Variants in RGS5 observed in about 807,000 individuals in gnomAD.
RGS5 encodes regulator of G protein signaling 5.
Under a neutral mutation model 18.9 loss-of-function variants are expected in RGS5, and 20 were observed. The ratio of observed to expected loss-of-function variants is 1.06; its 90% CI spans 0.74 to 1.54. RGS5 has a LOEUF of 1.54. Ranked by LOEUF, RGS5 falls within the 40% of genes most tolerant of loss-of-function variation. The pLI, the probability that RGS5 is intolerant of heterozygous loss-of-function variation, is 0.00. For synonymous variants in RGS5, 57 were observed against 76.2 expected (o/e 0.75, Z 1.31); for missense variants, 201 against 211.8 (o/e 0.95, Z 0.32).
chr1:163,190,290 G>A (rs1038222196), intron 1 of RGS5, among the ~76,000 whole-genome samples: 6 of 152,136 alleles, frequency 3.9e-5, no homozygotes, highest in East Asian at 1.9e-4. Flanking sequence ...TTGGACTAGA[G>A]AATTTCCATT....
chr1:163,200,057 G>A (rs778944946), intron 1 of RGS5, among the ~76,000 whole-genome samples: 2 of 152,034 alleles, frequency 1.3e-5, no homozygotes, highest in Admixed American at 1.3e-4. Flanking sequence ...ACCTCACTTC[G>A]TTTACATTAG....
intron 1 of RGS5, among the ~76,000 whole-genome samples, chr1:163,306,723 A>G (rs1055309359): frequency 6.6e-6 from 1 of 152,222 alleles, no homozygotes; most frequent in African/African-American, 2.4e-5. Context: ...TCCTTATTAA[A>G]AAAAGGAAAT....
At chr1:163,212,692 T>C (rs1372893145) in intron 1 of RGS5, 1 of 152,250 alleles carries the variant, frequency 6.6e-6, no homozygotes, top group Non-Finnish European at 1.5e-5. Flanking sequence ...AGGGGACAGC[T>C]GTCCTGGGAG....
At chr1:163,204,230 G>A (rs549930773), upstream of RGS5, among the ~76,000 whole-genome samples, 9 of 152,106 alleles carry the variant, frequency 5.9e-5, no homozygotes, top group East Asian at 1.7e-3. Flanking sequence ...CAATATGTAA[G>A]TGTGCACAGG....
At chr1:163,255,269 T>C (rs1305359198) in intron 2 of RGS5, among the ~76,000 whole-genome samples, 65 of 152,240 alleles carry the variant, frequency 4.3e-4, no homozygotes, top group African/African-American at 1.5e-3. Flanking sequence ...ATTGATTCTT[T>C]CTACCCATGA....
intron 2 of RGS5, among the ~76,000 whole-genome samples, chr1:163,262,482 T>C (rs1648471846): frequency 1.5e-5 from 1 of 66,992 alleles, no homozygotes; most frequent in Non-Finnish European, 3.0e-5. Context: ...ACAAAGGATA[T>C]GAACTCATCA....
intron 2 of RGS5, among the ~76,000 whole-genome samples, chr1:163,282,397 T>C (rs941107485): frequency 9.2e-5 from 14 of 152,094 alleles, no homozygotes; most frequent in Non-Finnish European, 8.8e-5. Context: ...TCCCCCCAGT[T>C]AGGATAACTA....
In RGS5 at chr1:163,202,897, T is replaced by C. The variant is rs1271663772; in HGVS notation, c.-62A>G. 2.0e-6 allele frequency: 3 copies of C among 1,535,110 alleles called. No individual in the cohort carries two copies. Among genetic ancestry groups the C allele is most frequent in the East Asian group, 2.3e-5 (1 of 44,414 alleles). ...ACTTCTTAACAGCAGAGCCAGTCTT[T>C]GAAAACTTCAAAACTGTCTGGGATG... On this transcript the variant is annotated 5_prime_UTR_variant, in exon 1 of 5. Coordinates refer to ENST00000313961, the MANE Select transcript of RGS5 (RefSeq NM_003617.4).
intron 2 of RGS5, among the ~76,000 whole-genome samples, chr1:163,232,355 G>A (rs952545084): frequency 6.6e-6 from 1 of 152,108 alleles, no homozygotes; most frequent in African/African-American, 2.4e-5. Context: ...AGCAAATAAT[G>A]TATATCTGAT....
At chr1:163,254,979 T>A (rs1391856864) in intron 2 of RGS5, among the ~76,000 whole-genome samples, 2 of 152,076 alleles carry the variant, frequency 1.3e-5, no homozygotes, top group South Asian at 2.1e-4. Context: ...GTTATTTCTG[T>A]GGGCTCTGTT....
rs560435198 is a variant in RGS5, at chr1:163,294,034, A to G, written c.-281+12199T>C. 3.9e-5 allele frequency among the ~76,000 whole-genome samples: 6 copies of G among 152,216 alleles called. No individual in the cohort carries two copies. In the East Asian group the frequency reaches 9.7e-4, roughly 25 times the overall value. ...AGTATAGCCCCCACAGCTGCTTTCC[A>G]TGGGCTGGCATTGAGTGCCTGTGGC... On this transcript the variant is annotated intron_variant, in intron 2 of 5. Coordinates refer to the RGS5 transcript ENST00000618415.
intron 2 of RGS5, among the ~76,000 whole-genome samples, chr1:163,233,184 TA>T (rs1427628624): frequency 1.2e-4 from 19 of 152,268 alleles, no homozygotes; most frequent in African/African-American, 4.6e-4. Flanking sequence ...ACTTGAGTGA[TA>T]TTTTTTCTTC....
At chr1:163,172,573 C>T in intron 1 of RGS5, 1 of 1,549,972 alleles carries the variant, frequency 6.5e-7, no homozygotes, top group South Asian at 1.2e-5. Flanking sequence ...CATCAGGTTA[C>T]TCTTTTCCTC....
intron 2 of RGS5, among the ~76,000 whole-genome samples, chr1:163,295,546 C>A (rs1258026441): frequency 6.6e-6 from 1 of 152,158 alleles, no homozygotes; most frequent in Non-Finnish European, 1.5e-5. Context: ...TAACCTTGGC[C>A]ATCTGATTCC....
chr1:163,189,352 T>G (rs1659247939), intron 1 of RGS5, among the ~76,000 whole-genome samples: 1 of 152,218 alleles, frequency 6.6e-6, no homozygotes, highest in African/African-American at 2.4e-5. Context: ...GTCAAGGAAC[T>G]CTTCCCAACA....
intron 1 of RGS5, among the ~76,000 whole-genome samples, chr1:163,214,990 A>G (rs1448932015): frequency 6.6e-6 from 1 of 152,160 alleles, no homozygotes; most frequent in African/African-American, 2.4e-5. Context: ...ATTATGATGC[A>G]TTTAGTTTGC....
chr1:163,314,011 G>A (rs1420357615), intron 1 of RGS5, among the ~76,000 whole-genome samples: 1 of 126,662 alleles, frequency 7.9e-6, no homozygotes, highest in African/African-American at 2.8e-5. Context: ...GTGTGTGTGT[G>A]TGTGTGTGTG....
intron 4 of RGS5, among the ~76,000 whole-genome samples, chr1:163,151,816 T>A (rs1358382605): frequency 6.6e-6 from 1 of 152,206 alleles, no homozygotes; most frequent in Non-Finnish European, 1.5e-5. Flanking sequence ...AATAATACAC[T>A]GGTTGAACAT....
At chr1:163,285,664 G>A in intron 2 of RGS5, among the ~76,000 whole-genome samples, 1 of 152,130 alleles carries the variant, frequency 6.6e-6, no homozygotes, top group East Asian at 1.9e-4. Flanking sequence ...AGTGTTGGAG[G>A]AGGGGCCTGG....
Sources: gnomAD v4.1 joint callset for allele counts (sites outside exome capture counted in the v4.1 genomes callset) on GRCh38, gnomAD v4.1.1 for gene constraint, MANE v1.5 for transcripts, NCBI Gene and HGNC (gene_info 2026-07-23, HGNC 2026-07-21) for gene names.